DPF1: variants seen among roughly 807,000 people sequenced by gnomAD.
The protein encoded by DPF1 is double PHD fingers 1.
Under a neutral mutation model 58.7 loss-of-function variants are expected in DPF1, and 14 were observed. The ratio of observed to expected loss-of-function variants is 0.24; its 90% CI spans 0.16 to 0.37. The LOEUF (loss-of-function observed/expected upper bound fraction) is 0.37, where lower values mean the gene tolerates loss of function less well. DPF1 is among the 10% of genes least tolerant of loss of function. DPF1 has a pLI of 1.00. For synonymous variants in DPF1, 216 were observed against 216.0 expected, an observed-to-expected ratio of 1.00 and a Z score of 0.00; for missense variants, 345 against 529.9, an observed-to-expected ratio of 0.65 and a Z score of 3.43.
upstream of DPF1, among the ~76,000 whole-genome samples, chr19:38,226,422 G>T (rs1165440834): frequency 1.3e-5 from 2 of 150,268 alleles, no homozygotes; most frequent in Non-Finnish European, 3.0e-5. Context: ...GAAGTGGCCC[G>T]CTAGCCTTCA....
At position 38,222,467 on chromosome 19, in the gene DPF1, G is replaced by GGA; in HGVS notation, c.191-5_191-4dup. On this transcript the variant is annotated splice_polypyrimidine_tract_variant and splice_region_variant and intron_variant, in intron 2 of 11. Coordinates refer to ENST00000355526, the MANE Select transcript of DPF1 (RefSeq NM_001135155.3). The surrounding 1 kb of genome is among the most constrained non-coding windows in gnomAD (Gnocchi z 4.9). ...GTAAATCTGTCCCGGGGCCAAACCT[G>GGA]GAGAGAGAGGGGGGTGAGAGGGCGG... 1 of 1,582,994 alleles carries GGA rather than the reference G, an allele frequency of 6.3e-7. No homozygotes were observed. Among genetic ancestry groups the GGA allele is most frequent in the Non-Finnish European group, 8.5e-7 (1 of 1,170,418 alleles).
chr19:38,224,026 CT>C lies in DPF1; in HGVS notation c.29+87del. Reference sequence around the variant, plus strand: ...CTCGGTGACAGCCCCCCAGACACCCCTTCGGCCCCACCCCCGGTCGCCACAC... The same window carrying C: ...CTCGGTGACAGCCCCCCAGACACCCCTCGGCCCCACCCCCGGTCGCCACAC... On this transcript the variant is annotated intron_variant, in intron 1 of 11. Transcript: ENST00000355526. The surrounding 1 kb of genome is among the most constrained non-coding windows in gnomAD (Gnocchi z 4.5). 1 of 1,405,556 alleles carries C rather than the reference CT, an allele frequency of 7.1e-7. No homozygotes were observed. The highest frequency in any genetic ancestry group is 1.7e-5 in the South Asian group (1 of 60,600). 87.1% of individuals were successfully genotyped at this position (1,405,556 alleles called of 1,614,324 possible).
In DPF1 at chr19:38,218,989, G is replaced by C. The variant is rs1967248918; in HGVS notation, c.368C>G (p.Ala123Gly). 1.2e-6 allele frequency: 2 copies of C among 1,614,194 alleles called. No homozygotes were observed. The highest frequency in any genetic ancestry group is 1.7e-5 in the Admixed American group (1 of 60,028). ...CTCAATCTTCTTCTCCCCCGTCTCT[G>C]CACACAGTAGAGCCTCGAGGACCGG... The part of the protein sequence containing the change: ...EGPVLEALLC[A>G]ETGEKKIELK... The change falls in exon 4 of 12, where the codon GCA becomes GGA. Residue 123 changes from alanine to glycine, a missense_variant. Physicochemically the swap from Ala to Gly is moderately conservative, Grantham distance 60. Transcript: ENST00000355526.
At position 38,224,087 on chromosome 19, in the gene DPF1, T is replaced by C; in HGVS notation, c.29+27A>G. ...CCCGCGTAGACCCGCCCGCGCTTCCTCTCCGCCTCCCGCCGGCCCGCACCA... is the reference window on the plus strand; with the variant it reads ...CCCGCGTAGACCCGCCCGCGCTTCCCCTCCGCCTCCCGCCGGCCCGCACCA... On this transcript the variant is annotated intron_variant, in intron 1 of 11. Coordinates refer to ENST00000355526, the MANE Select transcript of DPF1 (RefSeq NM_001135155.3). The surrounding 1 kb of genome is among the most constrained non-coding windows in gnomAD (Gnocchi z 4.5). The C allele has an allele frequency of 6.7e-7, 1 of 1,494,796 alleles. No homozygotes were observed. The allele number at this position is 1,494,796 out of a possible 1,614,324, so 92.6% of individuals were successfully genotyped here.
At chr19:38,221,767 T>C (rs1476169600) in intron 3 of DPF1, among the ~76,000 whole-genome samples, 3 of 151,810 alleles carry the variant, frequency 2.0e-5, no homozygotes, top group Non-Finnish European at 2.9e-5. Flanking sequence ...CTGGGCAACA[T>C]AGTAACACCC....
At chr19:38,224,334 G>A (rs1967721425), upstream of DPF1, 2 of 1,237,144 alleles carry the variant, frequency 1.6e-6, no homozygotes, top group Non-Finnish European at 1.0e-6. The surrounding 1 kb of genome is among the most constrained non-coding windows in gnomAD (Gnocchi z 4.5). Context: ...GGGCCCCCGG[G>A]ACCCCGCGGG....
chr19:38,213,838 GC>G, intron 9 of DPF1, 82 bp from the exon 10 acceptor site: 1 of 1,206,934 alleles, frequency 8.3e-7, no homozygotes, highest in Non-Finnish European at 1.2e-6. Flanking sequence ...CCATAGCTCA[GC>G]CCCTACCCCT....
rs1967966720 is a variant in DPF1 at position 38,229,633 on chromosome 19, C to T, written c.-206G>A. Reference sequence around the variant, plus strand: ...CGCCTCCGGCCCGGGGCGCCGCTGCCGCCGCGCGCGGGCCCAGCCCGGCCT... The same window carrying T: ...CGCCTCCGGCCCGGGGCGCCGCTGCTGCCGCGCGCGGGCCCAGCCCGGCCT... On this transcript the variant is annotated 5_prime_UTR_variant, in exon 1 of 12. Transcript: ENST00000412732. This position sits in a 1 kb window ranked among gnomAD's most constrained non-coding sequence, Gnocchi z 5.3. 2 of 999,878 alleles carry T rather than the reference C, an allele frequency of 2.0e-6. No homozygotes were observed. The highest frequency in any genetic ancestry group is 2.4e-6 in the Non-Finnish European group (2 of 836,656). 61.9% of individuals were successfully genotyped at this position (999,878 alleles called of 1,614,324 possible). A position where few individuals can be genotyped will look rare whatever the true frequency, so the allele number is the denominator to read the frequency against.
chr19:38,213,402 A>G (rs1973603452), intron 10 of DPF1, among the ~76,000 whole-genome samples: 1 of 152,142 alleles, frequency 6.6e-6, no homozygotes, highest in Non-Finnish European at 1.5e-5. Context: ...TCCCTCTCTG[A>G]GCTCAGTTTC....
upstream of DPF1, among the ~76,000 whole-genome samples, chr19:38,225,574 G>GCAAACAAACAAA (rs113225836): frequency 6.7e-6 from 1 of 148,600 alleles, no homozygotes. Flanking sequence ...GTCTCTAAAA[G>GCAAACAAACAAA]CAAACAAACA....
chr19:38,217,560 C>T lies in DPF1; in HGVS notation c.627G>A (p.Gly209=). ...GGGTGTGGGTGTAGTGGTAGCTGAG[C>T]CCCGGCCGGTTCTTATACCGTTTCC... ...ICGKRYKNRP[G]LSYHYTHTHL... is the part of the protein sequence containing the mutation. The change falls in exon 7 of 12, where the codon GGG becomes GGA. Residue 209 remains glycine, a synonymous_variant. Transcript: ENST00000355526. 6.4e-7 allele frequency: 1 copy of T among 1,551,414 alleles called. No individual in the cohort carries two copies. Among genetic ancestry groups the T allele is most frequent in the Non-Finnish European group, 8.7e-7 (1 of 1,146,882 alleles).
chr19:38,227,367 C>T (rs1458972526), upstream of DPF1, among the ~76,000 whole-genome samples: 1 of 152,198 alleles, frequency 6.6e-6, no homozygotes, highest in African/African-American at 2.4e-5. Flanking sequence ...CATAAGCCAC[C>T]ATGCCCGGCC....
chr19:38,223,921 C>G, intron 1 of DPF1, 193 bp downstream of exon 1: 2 of 691,378 alleles, frequency 2.9e-6, no homozygotes, highest in Non-Finnish European at 4.1e-6. Context: ...CCCTCCACCC[C>G]GCCAGGGAGC....
Position 38,222,707 on chromosome 19 carries a change from G to A in DPF1, c.31C>T (p.Leu11=). The change falls in exon 2 of 12, where the codon CTA becomes TTA. Residue 11 remains leucine, a splice_region_variant and synonymous_variant. Transcript: ENST00000355526. This position sits in a 1 kb window ranked among gnomAD's most constrained non-coding sequence, Gnocchi z 4.9. ...GCCTCGCGGTAGAAGTCCTCGCCTA[G>A]GCTAGAGGGGCGGCGAACGGGCGGG... The part of the protein sequence containing the change: MATVIPGPLS[L]GEDFYREAIE... 6.3e-7 allele frequency: 1 copy of A among 1,586,640 alleles called. No individual in the cohort carries two copies. Among genetic ancestry groups the A allele is most frequent in the Non-Finnish European group, 8.6e-7 (1 of 1,165,738 alleles).
intron 11 of DPF1, 58 bp from the exon 12 acceptor site, chr19:38,212,191 C>T: frequency 6.4e-7 from 1 of 1,568,180 alleles, no homozygotes; most frequent in Non-Finnish European, 8.7e-7. Context: ...GCCCCAGCCC[C>T]TTCCCACCCC....
At chr19:38,224,343 G>C, upstream of DPF1, 2 of 1,220,714 alleles carry the variant, frequency 1.6e-6, no homozygotes. This position sits in a 1 kb window ranked among gnomAD's most constrained non-coding sequence, Gnocchi z 4.5. Context: ...GGACCCCGCG[G>C]GGACGGGACG....
In DPF1 at chr19:38,224,091, C is replaced by G. The variant is rs1267165623; in HGVS notation, c.29+23G>C. On this transcript the variant is annotated intron_variant, in intron 1 of 11. Transcript: ENST00000355526. The surrounding 1 kb of genome is among the most constrained non-coding windows in gnomAD (Gnocchi z 4.5). Reference sequence around the variant, plus strand: ...CGTAGACCCGCCCGCGCTTCCTCTCCGCCTCCCGCCGGCCCGCACCACCTC... The same window carrying G: ...CGTAGACCCGCCCGCGCTTCCTCTCGGCCTCCCGCCGGCCCGCACCACCTC... 3.7e-5 allele frequency: 55 copies of G among 1,500,270 alleles called. No homozygotes were observed. The highest frequency in any genetic ancestry group is 4.8e-5 in the Non-Finnish European group (55 of 1,136,858). The allele number at this position is 1,500,270 out of a possible 1,614,324, so 92.9% of individuals were successfully genotyped here. A position where few individuals can be genotyped will look rare whatever the true frequency, so the allele number is the denominator to read the frequency against.
At chr19:38,213,999 C>T (rs1973661810) in intron 9 of DPF1, 1 of 527,162 alleles carries the variant, frequency 1.9e-6, no homozygotes, top group Non-Finnish European at 3.4e-6. Flanking sequence ...AACGCCATGG[C>T]AACCGCATTC....
chr19:38,216,204 C>A lies in DPF1; in HGVS notation c.834G>T (p.Leu278=). The A allele has an allele frequency of 6.2e-7, 1 of 1,614,190 alleles. No individual in the cohort carries two copies. Among genetic ancestry groups the A allele is most frequent in the Non-Finnish European group, 8.5e-7 (1 of 1,180,028 alleles). Residue 278 remains leucine, a synonymous_variant, in exon 9 of 12, where the codon CTG becomes CTT. Transcript: ENST00000355526. ...GACACCCCGTCTTCTTGGAGCCCCCCAGGCAGAAGTCACAGTAGCCGTTGG... is the reference window on the plus strand; with the variant it reads ...GACACCCCGTCTTCTTGGAGCCCCCAAGGCAGAAGTCACAGTAGCCGTTGG... ...VIPNGYCDFC[L]GGSKKTGCPE... is the part of the protein sequence containing the mutation.
Sources: gnomAD v4.1 joint callset for allele counts (sites outside exome capture counted in the v4.1 genomes callset) on GRCh38, gnomAD v4.1.1 for gene constraint, Gnocchi (gnomAD v3.1) non-coding constraint, MANE v1.5 for transcripts, NCBI Gene and HGNC (gene_info 2026-07-23, HGNC 2026-07-21) for gene names.